The following HNF4G variants were observed in gnomAD, a reference collection of about 807,000 sequenced individuals.
The protein encoded by HNF4G is hepatocyte nuclear factor 4-gamma.
Under a neutral mutation model 50.9 loss-of-function variants are expected in HNF4G, and 21 were observed. The observed-to-expected ratio is 0.41, with a 90% CI of 0.29 to 0.59. The LOEUF is 0.59. Among genes scored for constraint, HNF4G ranks in the 20% least tolerant of loss-of-function variants. HNF4G has a pLI of 0.26. For missense variants in HNF4G, 527 were observed against 559.4 expected, an observed-to-expected ratio of 0.94 and a Z score of 0.58; for synonymous variants, 198 against 185.6, an observed-to-expected ratio of 1.07 and a Z score of -0.54.
intron 1 of HNF4G, among the ~76,000 whole-genome samples, chr8:75,426,047 G>A (rs1810884450): frequency 1.3e-5 from 2 of 152,116 alleles, no homozygotes; most frequent in South Asian, 4.1e-4. Flanking sequence ...CATTTAAAAG[G>A]AGATAGATCA....
intron 2 of HNF4G, among the ~76,000 whole-genome samples, chr8:75,518,230 C>T (rs544773715): frequency 1.2e-4 from 17 of 146,402 alleles, no homozygotes; most frequent in African/African-American, 4.0e-4. Flanking sequence ...TGAGTGAGAA[C>T]ATGTGGTGTT....
chr8:75,518,062 T>C, intron 2 of HNF4G, among the ~76,000 whole-genome samples: 1 of 151,928 alleles, frequency 6.6e-6, no homozygotes, highest in Non-Finnish European at 1.5e-5. Flanking sequence ...TATGTATACT[T>C]ATGCCATGTT....
intron 2 of HNF4G, among the ~76,000 whole-genome samples, chr8:75,524,678 C>A (rs1806134826): frequency 6.6e-6 from 1 of 152,064 alleles, no homozygotes; most frequent in African/African-American, 2.4e-5. Context: ...CAACACCCTA[C>A]ACAGGAAATG....
chr8:75,457,178 T>C (rs1009745373), intron 1 of HNF4G, among the ~76,000 whole-genome samples: 1 of 152,226 alleles, frequency 6.6e-6, no homozygotes, highest in Non-Finnish European at 1.5e-5. Context: ...GGCTCTTTAT[T>C]ATAGCTGTAG....
intron 1 of HNF4G, among the ~76,000 whole-genome samples, chr8:75,431,598 T>C (rs1386866829): frequency 6.6e-6 from 1 of 152,124 alleles, no homozygotes; most frequent in African/African-American, 2.4e-5. Flanking sequence ...AAAATCCCAC[T>C]TCTGTTGTTT....
intron 1 of HNF4G, among the ~76,000 whole-genome samples, chr8:75,473,194 A>G (rs2130637651): frequency 6.6e-6 from 1 of 152,154 alleles, no homozygotes; most frequent in South Asian, 2.1e-4. Flanking sequence ...CTGTAGTCCC[A>G]GCTACTCGGG....
At chr8:75,523,365 A>T (rs1806096167) in intron 2 of HNF4G, among the ~76,000 whole-genome samples, 1 of 152,222 alleles carries the variant, frequency 6.6e-6, no homozygotes, top group South Asian at 2.1e-4. Flanking sequence ...CAACTTCTTG[A>T]ATCAATTCAA....
chr8:75,473,461 T>G (rs2130638422), intron 1 of HNF4G, among the ~76,000 whole-genome samples: 1 of 152,332 alleles, frequency 6.6e-6, no homozygotes, highest in Admixed American at 6.5e-5. Flanking sequence ...AATATGGTTT[T>G]AGACAAAGGA....
chr8:75,434,383 A>G (rs1021862018), intron 1 of HNF4G, among the ~76,000 whole-genome samples: 3 of 152,142 alleles, frequency 2.0e-5, no homozygotes, highest in Non-Finnish European at 4.4e-5. Flanking sequence ...AATGCCACAT[A>G]TCAAACCATC....
chr8:75,522,019 A>G (rs1456737045), intron 2 of HNF4G, among the ~76,000 whole-genome samples: 3 of 152,194 alleles, frequency 2.0e-5, no homozygotes, highest in Non-Finnish European at 4.4e-5. Context: ...GATGTTTTCA[A>G]CTTATGATGA....
chr8:75,487,579 A>G (rs888051787), intron 1 of HNF4G, among the ~76,000 whole-genome samples: 4 of 152,126 alleles, frequency 2.6e-5, no homozygotes, highest in Non-Finnish European at 5.9e-5. Flanking sequence ...TCTTTTGCCT[A>G]CCAATCAAAA....
At chr8:75,517,037 G>T (rs1337245712) in intron 2 of HNF4G, among the ~76,000 whole-genome samples, 1 of 152,118 alleles carries the variant, frequency 6.6e-6, no homozygotes, top group Non-Finnish European at 1.5e-5. Context: ...AGAAGCAAAG[G>T]CACATCTCAC....
chr8:75,562,826 A>C (rs908331467), intron 9 of HNF4G, among the ~76,000 whole-genome samples: 6 of 152,186 alleles, frequency 3.9e-5, no homozygotes, highest in African/African-American at 1.4e-4. Context: ...AAAGCAGGAT[A>C]TTAAACACAA....
At chr8:75,558,431 C>A in intron 6 of HNF4G, 87 bp from the exon 7 acceptor site, 2 of 1,227,456 alleles carry the variant, frequency 1.6e-6, no homozygotes, top group Non-Finnish European at 2.3e-6. Context: ...ATTTTAAACA[C>A]CGGTTTGTTA....
At chr8:75,408,197 GA>G in intron 1 of HNF4G, 1 of 153,244 alleles carries the variant, frequency 6.5e-6, no homozygotes, top group Non-Finnish European at 1.5e-5. Flanking sequence ...CCGGGGAATT[GA>G]AAGGTGCCAG....
chr8:75,430,474 TAGAGAG>T (rs66481707), intron 1 of HNF4G, among the ~76,000 whole-genome samples: 1,675 of 135,766 alleles, frequency 0.012, 25 homozygotes, highest in African/African-American at 0.035. Flanking sequence ...GGGTAGGGAG[TAGAGAG>T]AGAGAGAGAG....
intron 1 of HNF4G, among the ~76,000 whole-genome samples, chr8:75,443,897 T>C (rs570050538): frequency 6.6e-6 from 1 of 152,270 alleles, no homozygotes; most frequent in South Asian, 2.1e-4. Flanking sequence ...TAAGGGTGAC[T>C]TGTCAAACTA....
chr8:75,416,969 A>G (rs527377683), intron 1 of HNF4G, among the ~76,000 whole-genome samples: 1 of 152,242 alleles, frequency 6.6e-6, no homozygotes, highest in Non-Finnish European at 1.5e-5. Flanking sequence ...AGTGCTCAGC[A>G]TAGAGTCTGG....
intron 1 of HNF4G, among the ~76,000 whole-genome samples, chr8:75,542,534 C>CG (rs1228625612): frequency 1.4e-5 from 1 of 69,842 alleles, no homozygotes; most frequent in East Asian, 3.1e-4. Flanking sequence ...TCAATGACGA[C>CG]GAAAAAAAAA....
Sources: gnomAD v4.1 joint callset for allele counts (sites outside exome capture counted in the v4.1 genomes callset) on GRCh38, gnomAD v4.1.1 for gene constraint, MANE v1.5 for transcripts, NCBI Gene and HGNC (gene_info 2026-07-23, HGNC 2026-07-21) for gene names.